The following HERPUD2 variants were observed in gnomAD, a reference collection of about 807,000 sequenced individuals.
HERPUD2 encodes the protein HERPUD family member 2.
A neutral mutation model predicts 49.9 loss-of-function variants in HERPUD2; 13 were observed. The observed-to-expected ratio is 0.26, with a 90% CI of 0.17 to 0.41. HERPUD2 has a LOEUF of 0.41. Ranked by LOEUF, HERPUD2 falls within the 10% of genes least tolerant of loss-of-function variation. The probability of loss-of-function intolerance (pLI) is 1.00; values close to 1 mark genes in which losing one functional copy is unlikely to be tolerated. For synonymous variants in HERPUD2, 172 were observed against 171.4 expected, an observed-to-expected ratio of 1.00 and a Z score of -0.03; for missense variants, 449 against 492.2, an observed-to-expected ratio of 0.91 and a Z score of 0.83.
rs545074742 is a variant in HERPUD2 at position 35,644,859 on chromosome 7, ACACT to A, written c.495-6391_495-6388del. Among the ~76,000 whole-genome samples the A allele has an allele frequency of 3.1e-3, 473 of 152,304 alleles. 2 individuals are homozygous for A. Among genetic ancestry groups the A allele is most frequent in the African/African-American group, 0.011 (448 of 41,564 alleles). ...AAATAACTATAAAAAGACATCTGAG[ACACT>A]CAGGGAAAACTGAACACAAAGTGAA... On this transcript the variant is annotated intron_variant, in intron 5 of 8. Coordinates refer to ENST00000311350, the MANE Select transcript of HERPUD2 (RefSeq NM_022373.5).
Position 35,686,196 on chromosome 7 carries a change from C to CT in HERPUD2, c.147+7987dup, listed in dbSNP as rs1348780601. On this transcript the variant is annotated intron_variant, in intron 2 of 8. Transcript: ENST00000311350. ...ATCATTACCTTTTTCTTTTTCTTTT[C>CT]TTTTTTTTTTGAGACAGAGTCTTAC... 2.4e-3 allele frequency among the ~76,000 whole-genome samples: 356 copies of CT among 146,166 alleles called. 2 individuals carry two copies. Among genetic ancestry groups the CT allele is most frequent in the African/African-American group, 7.1e-3 (283 of 39,918 alleles).
chr7:35,635,490 G>T, intron 6 of HERPUD2, 32 bp from the exon 7 acceptor site: 1 of 1,532,932 alleles, frequency 6.5e-7, no homozygotes, highest in South Asian at 1.2e-5. Flanking sequence ...ATATTAAAAA[G>T]AAAAAAAAAC....
rs763472609 is a variant in HERPUD2, at chr7:35,633,694, T to C, written c.1217A>G (p.Asn406Ser). ...LIPEGPPQVA[N>S] ...TAGCTGGCACAGTTTTTCAGGTCAA[T>C]TGGCAACCTGGGGAGGCCCCTCTGG... Residue 406 changes from asparagine (N) to serine (S), a missense_variant, in exon 9 of 9, where the codon AAT becomes AGT. By Grantham distance (46) the Asn-to-Ser change is conservative. Coordinates refer to ENST00000311350, the MANE Select transcript of HERPUD2 (RefSeq NM_022373.5). The C allele has an allele frequency of 4.3e-6, 7 of 1,612,890 alleles. No individual in the cohort carries two copies. The highest frequency in any genetic ancestry group is 5.9e-6 in the Non-Finnish European group (7 of 1,179,466).
chr7:35,655,952 G>A (rs1785266566), intron 5 of HERPUD2, among the ~76,000 whole-genome samples: 2 of 152,152 alleles, frequency 1.3e-5, no homozygotes, highest in African/African-American at 4.8e-5. Flanking sequence ...CCTGAGGTCA[G>A]GAGTTTGAGA....
intron 2 of HERPUD2, among the ~76,000 whole-genome samples, chr7:35,678,483 T>C (rs1242832305): frequency 6.6e-5 from 10 of 152,050 alleles, no homozygotes; most frequent in Non-Finnish European, 1.3e-4. Flanking sequence ...GTATATTTAG[T>C]AGAGATGGGA....
chr7:35,638,078 C>T lies in HERPUD2; in HGVS notation c.617+272G>A, dbSNP rs1470644624. On this transcript the variant is annotated intron_variant, in intron 6 of 8. Transcript: ENST00000311350. The stretch of plus-strand genomic sequence containing the variant: ...ACTAACTCTTCATGTATATTTGCTG[C>T]CTTCCAGTGAAACATTCCTAAGTTT... Among the ~76,000 whole-genome samples the T allele has an allele frequency of 2.6e-5, 4 of 152,108 alleles. No individual in the cohort carries two copies. The East Asian group carries it at 7.7e-4, about 29-fold the overall frequency.
At chr7:35,684,991 A>G (rs1205112091) in intron 2 of HERPUD2, among the ~76,000 whole-genome samples, 2 of 152,218 alleles carry the variant, frequency 1.3e-5, no homozygotes, top group Non-Finnish European at 2.9e-5. Context: ...CTGTAATCCC[A>G]GCACTTTGGG....
intron 8 of HERPUD2, 123 bp downstream of exon 8, chr7:35,634,189 T>C (rs2305333): frequency 0.59 from 390,943 of 663,822 alleles, 116,782 homozygotes; most frequent in East Asian, 0.74. Context: ...TATATGTTAG[T>C]TTTCTTTCAT....
chr7:35,648,005 G>A (rs1785086323), intron 5 of HERPUD2, among the ~76,000 whole-genome samples: 1 of 152,044 alleles, frequency 6.6e-6, no homozygotes, highest in Admixed American at 6.5e-5. Flanking sequence ...AAAACATAAA[G>A]AATGCCTCTT....
rs1784827515 is a variant in HERPUD2 at position 35,633,827 on chromosome 7, C to T, written c.1084G>A (p.Glu362Lys). 1 of 1,613,948 alleles carries T rather than the reference C, an allele frequency of 6.2e-7. No homozygotes were observed. The highest frequency in any genetic ancestry group is 8.5e-7 in the Non-Finnish European group (1 of 1,179,918). The change falls in exon 9 of 9, where the codon GAA (glutamate) becomes AAA (lysine). Residue 362 changes from glutamate to lysine, a missense_variant. Transcript: ENST00000311350. ...CCTCCATCTTCTCCACTCTCATCTT[C>T]AAGCCCATCATCCATAAGACGCTCC... ...EMERLMDDGL[E>K]DESGEDGGED...
chr7:35,668,407 T>C (rs1033714976), intron 4 of HERPUD2: 12 of 152,516 alleles, frequency 7.9e-5, no homozygotes, highest in Non-Finnish European at 1.8e-4. Context: ...TGTTTGAAAA[T>C]AGTTTGTCAA....
chr7:35,664,638 T>C (rs1785500005), intron 5 of HERPUD2, among the ~76,000 whole-genome samples: 1 of 152,240 alleles, frequency 6.6e-6, no homozygotes, highest in African/African-American at 2.4e-5. Context: ...ATTTCATTCA[T>C]TTGATCTTCA....
intron 4 of HERPUD2, among the ~76,000 whole-genome samples, chr7:35,669,707 A>C (rs1353809270): frequency 6.6e-6 from 1 of 152,172 alleles, no homozygotes. Flanking sequence ...AGATTAATAC[A>C]TTAAGTATTT....
intron 2 of HERPUD2, among the ~76,000 whole-genome samples, chr7:35,683,991 A>G (rs1785973396): frequency 6.6e-6 from 1 of 152,220 alleles, no homozygotes; most frequent in Admixed American, 6.5e-5. Flanking sequence ...GTTATGGAAA[A>G]CAGTGTGGAG....
chr7:35,679,889 A>C (rs867921691), intron 2 of HERPUD2, among the ~76,000 whole-genome samples: 3 of 152,284 alleles, frequency 2.0e-5, no homozygotes, highest in African/African-American at 7.2e-5. Flanking sequence ...AAACCTGGGC[A>C]TCATCCTCAA....
intron 5 of HERPUD2, among the ~76,000 whole-genome samples, chr7:35,656,791 T>C (rs1785284416): frequency 6.6e-6 from 1 of 152,172 alleles, no homozygotes. Flanking sequence ...TAAATGGTGC[T>C]GGAAAAACTG....
At chr7:35,677,661 T>C (rs368622621) in intron 2 of HERPUD2, among the ~76,000 whole-genome samples, 1 of 152,242 alleles carries the variant, frequency 6.6e-6, no homozygotes, top group African/African-American at 2.4e-5. Context: ...GGTCTTCCTT[T>C]TGGTTTGTTT....
At chr7:35,638,808 T>C (rs1315680855) in intron 5 of HERPUD2, among the ~76,000 whole-genome samples, 8 of 152,152 alleles carry the variant, frequency 5.3e-5, no homozygotes, top group Admixed American at 5.2e-4. Flanking sequence ...ACATTTTCCT[T>C]AAGAAACAAA....
chr7:35,670,011 G>A (rs77339328), intron 4 of HERPUD2, among the ~76,000 whole-genome samples: 137 of 151,954 alleles, frequency 9.0e-4, no homozygotes, highest in African/African-American at 3.3e-3. Flanking sequence ...AACTCAAGGT[G>A]AATAGACTTC....
Sources: gnomAD v4.1 joint callset for allele counts (sites outside exome capture counted in the v4.1 genomes callset) on GRCh38, gnomAD v4.1.1 for gene constraint, MANE v1.5 for transcripts, NCBI Gene and HGNC (gene_info 2026-07-23, HGNC 2026-07-21) for gene names.